VPS13B: variants seen among roughly 807,000 people sequenced by gnomAD.
VPS13B encodes vacuolar protein sorting 13 homolog B.
Under a neutral mutation model 426.4 loss-of-function variants are expected in VPS13B, and 285 were observed. The ratio of observed to expected loss-of-function variants is 0.67; its 90% CI spans 0.61 to 0.74. The LOEUF (loss-of-function observed/expected upper bound fraction) is 0.74, where lower values mean the gene tolerates loss of function less well. VPS13B is among the 30% of genes least tolerant of loss of function. The pLI is 0.00. For synonymous variants in VPS13B, 1,676 were observed against 1,676.4 expected (o/e 1.00, Z 0.01); for missense variants, 4,537 against 4,782.6 (o/e 0.95, Z 1.51).
chr8:99,234,936 A>G lies in VPS13B; in HGVS notation c.2516-39262A>G, dbSNP rs183757248. 5.4e-3 allele frequency among the ~76,000 whole-genome samples: 826 copies of G among 152,338 alleles called. 7 individuals are homozygous for G. The highest frequency in any genetic ancestry group is 9.4e-3 in the Non-Finnish European group (636 of 68,018). On this transcript the variant is annotated intron_variant, in intron 17 of 61. Transcript: ENST00000357162. ...TCCAAGAAAATAATCCTTGACTCAA[A>G]TATAATAATGAAAAAATATGAAGAG...
At chr8:99,292,881 A>G (rs1404707907) in intron 19 of VPS13B, among the ~76,000 whole-genome samples, 1 of 152,162 alleles carries the variant, frequency 6.6e-6, no homozygotes, top group Non-Finnish European at 1.5e-5. Context: ...CACACAATGC[A>G]ACTAATTATT....
At chr8:99,655,318 A>C (rs1829983241) in intron 34 of VPS13B, among the ~76,000 whole-genome samples, 1 of 152,246 alleles carries the variant, frequency 6.6e-6, no homozygotes, top group Non-Finnish European at 1.5e-5. Flanking sequence ...CTGAATCTTA[A>C]AAAGCCAAGT....
chr8:99,592,004 G>A (rs1826705692), intron 33 of VPS13B, among the ~76,000 whole-genome samples: 2 of 151,902 alleles, frequency 1.3e-5, no homozygotes, highest in South Asian at 2.1e-4. Context: ...CATAGATTTG[G>A]TCTTTTCACG....
At chr8:99,196,901 G>T (rs867894355) in intron 17 of VPS13B, among the ~76,000 whole-genome samples, 2 of 152,038 alleles carry the variant, frequency 1.3e-5, no homozygotes, top group Admixed American at 6.6e-5. Context: ...TTCTTGTCAG[G>T]TCCCTCATCT....
chr8:99,732,513 G>A (rs1207032302), intron 39 of VPS13B, among the ~76,000 whole-genome samples: 1 of 152,322 alleles, frequency 6.6e-6, no homozygotes, highest in Admixed American at 6.5e-5. Flanking sequence ...AAGTTAAAAG[G>A]GAAATGGGGC....
chr8:99,361,606 C>T (rs1468746458), intron 19 of VPS13B, among the ~76,000 whole-genome samples: 2 of 152,080 alleles, frequency 1.3e-5, no homozygotes, highest in African/African-American at 4.8e-5. Context: ...TTGAATGTGC[C>T]TACCAGAGCA....
chr8:99,531,952 T>G (rs1822957466), intron 30 of VPS13B, among the ~76,000 whole-genome samples: 2 of 152,102 alleles, frequency 1.3e-5, no homozygotes, highest in African/African-American at 4.8e-5. Flanking sequence ...ACCTCATACT[T>G]TTTTCAAGAG....
chr8:99,734,055 G>A (rs143132045), intron 39 of VPS13B, among the ~76,000 whole-genome samples: 1 of 152,174 alleles, frequency 6.6e-6, no homozygotes, highest in East Asian at 1.9e-4. Flanking sequence ...AAGTAATCAC[G>A]AATCTACTTT....
chr8:99,503,000 A>G (rs753286493), intron 27 of VPS13B, 50 bp downstream of exon 27: 1 of 1,342,308 alleles, frequency 7.4e-7, no homozygotes. Context: ...TCTTTGAACA[A>G]AGTTACCATA....
At chr8:99,622,197 A>C (rs899488370) in intron 33 of VPS13B, among the ~76,000 whole-genome samples, 2 of 152,006 alleles carry the variant, frequency 1.3e-5, no homozygotes, top group African/African-American at 4.8e-5. Context: ...CAATCCATGA[A>C]ATTTTTTCAC....
At chr8:99,323,826 T>G (rs1434262648) in intron 19 of VPS13B, among the ~76,000 whole-genome samples, 1 of 152,250 alleles carries the variant, frequency 6.6e-6, no homozygotes, top group African/African-American at 2.4e-5. Flanking sequence ...TGCAATTATT[T>G]GACTTGCAAC....
chr8:99,551,378 G>C (rs1824275003), intron 30 of VPS13B, among the ~76,000 whole-genome samples: 1 of 151,956 alleles, frequency 6.6e-6, no homozygotes. Context: ...GTGCCCTAAA[G>C]TTTTAGGTGT....
intron 24 of VPS13B, among the ~76,000 whole-genome samples, chr8:99,470,421 G>A (rs1345502889): frequency 6.6e-6 from 1 of 151,974 alleles, no homozygotes; most frequent in Non-Finnish European, 1.5e-5. Context: ...AAATGAAAAG[G>A]CAATAAATCT....
At chr8:99,540,456 G>T (rs976643928) in intron 30 of VPS13B, among the ~76,000 whole-genome samples, 4 of 152,010 alleles carry the variant, frequency 2.6e-5, no homozygotes, top group African/African-American at 9.7e-5. Flanking sequence ...CAGCTAAATT[G>T]GGAGTCATTT....
chr8:99,462,257 C>G (rs1031820496), intron 23 of VPS13B, among the ~76,000 whole-genome samples: 5 of 145,708 alleles, frequency 3.4e-5, no homozygotes, highest in Non-Finnish European at 7.5e-5. Flanking sequence ...TCTTTATTTT[C>G]TCCATGGTGG....
At chr8:99,686,496 G>A (rs945619625) in intron 35 of VPS13B, among the ~76,000 whole-genome samples, 3 of 151,944 alleles carry the variant, frequency 2.0e-5, no homozygotes, top group Non-Finnish European at 2.9e-5. Flanking sequence ...GCCAGGGCCT[G>A]GAGTCAGAAA....
intron 19 of VPS13B, among the ~76,000 whole-genome samples, chr8:99,380,451 T>C (rs939881770): frequency 7.2e-5 from 11 of 152,160 alleles, no homozygotes; most frequent in Non-Finnish European, 1.3e-4. Context: ...GTCTTTCTTT[T>C]CTGACATCTG....
At chr8:99,627,659 C>G (rs1828672182) in intron 33 of VPS13B, among the ~76,000 whole-genome samples, 1 of 152,200 alleles carries the variant, frequency 6.6e-6, no homozygotes, top group Non-Finnish European at 1.5e-5. Flanking sequence ...GCTGGGATTA[C>G]AGGTGTGAGC....
intron 19 of VPS13B, among the ~76,000 whole-genome samples, chr8:99,371,284 G>A (rs1813165464): frequency 6.6e-6 from 1 of 152,060 alleles, no homozygotes; most frequent in Non-Finnish European, 1.5e-5. Context: ...ATAGATTTCT[G>A]GAAATGGAAT....
Sources: allele counts gnomAD v4.1 joint callset (sites outside exome capture counted in the v4.1 genomes callset), GRCh38; gene constraint gnomAD v4.1.1; transcripts MANE v1.5; gene names NCBI Gene and HGNC (gene_info 2026-07-23, HGNC 2026-07-21).